GFRA1: variants seen among roughly 807,000 people sequenced by gnomAD.
GFRA1 encodes the protein GDNF family receptor alpha-1.
A neutral mutation model predicts 51.6 loss-of-function variants in GFRA1; 16 were observed. That is an observed-to-expected ratio of 0.31 (90% CI 0.21 to 0.47). The LOEUF is 0.47. Ranked by LOEUF, GFRA1 falls within the 20% of genes least tolerant of loss-of-function variation. The pLI, the probability that GFRA1 is intolerant of heterozygous loss-of-function variation, is 1.00. For missense variants in GFRA1, 530 were observed against 594.3 expected (o/e 0.89, Z 1.13); for synonymous variants, 270 against 241.3 (o/e 1.12, Z -1.10).
intron 5 of GFRA1, among the ~76,000 whole-genome samples, chr10:116,142,513 G>A (rs1254647800): frequency 6.6e-6 from 1 of 152,140 alleles, no homozygotes; most frequent in Non-Finnish European, 1.5e-5. Context: ...CAGCGTTTCG[G>A]TTAGCCAGTA....
intron 4 of GFRA1, among the ~76,000 whole-genome samples, chr10:116,243,066 G>A (rs967111198): frequency 2.0e-5 from 3 of 152,020 alleles, no homozygotes; most frequent in African/African-American, 4.8e-5. Context: ...AAATATTTAC[G>A]TCATTTCTTA....
chr10:116,219,218 T>G (rs1228318841), intron 4 of GFRA1, among the ~76,000 whole-genome samples: 1 of 152,150 alleles, frequency 6.6e-6, no homozygotes, highest in African/African-American at 2.4e-5. Context: ...ATAAAGCTCT[T>G]AACTACTGAA....
At position 116,093,637 on chromosome 10, in the gene GFRA1, G is replaced by C; in HGVS notation, c.1015+65C>G. ...GAGGTACAGGCACAAGGTACAAGAG[G>C]TACAGCTGGAGCTCGGAGAAGAAAA... On this transcript the variant is annotated intron_variant, in intron 8 of 10. Transcript: ENST00000355422. 2.8e-6 allele frequency: 4 copies of C among 1,434,648 alleles called. 1 individual carries two copies. The Admixed American group carries it at 6.7e-5, about 24-fold the overall frequency. The allele number at this position is 1,434,648 out of a possible 1,614,324, so 88.9% of individuals were successfully genotyped here.
intron 5 of GFRA1, among the ~76,000 whole-genome samples, chr10:116,181,404 C>T (rs1962202841): frequency 6.6e-6 from 1 of 152,174 alleles, no homozygotes; most frequent in African/African-American, 2.4e-5. Flanking sequence ...CTGCTGGCCT[C>T]ACAACGGAAA....
At chr10:116,234,956 C>G (rs912141947) in intron 4 of GFRA1, among the ~76,000 whole-genome samples, 6 of 152,190 alleles carry the variant, frequency 3.9e-5, no homozygotes, top group Non-Finnish European at 4.4e-5. Flanking sequence ...TTGTTCAGCA[C>G]TTGTCCTTGC....
At chr10:116,162,493 G>C (rs1959924894) in intron 5 of GFRA1, among the ~76,000 whole-genome samples, 1 of 152,180 alleles carries the variant, frequency 6.6e-6, no homozygotes, top group African/African-American at 2.4e-5. Context: ...GTCCCTTCTT[G>C]CCAGGCTCCC....
At chr10:116,264,102 G>A (rs1007341278) in intron 4 of GFRA1, among the ~76,000 whole-genome samples, 4 of 152,112 alleles carry the variant, frequency 2.6e-5, no homozygotes, top group Non-Finnish European at 5.9e-5. Flanking sequence ...CTGGTTTAGC[G>A]CTCAAGAGAG....
chr10:116,079,194 G>A (rs538549440), intron 9 of GFRA1, among the ~76,000 whole-genome samples: 7 of 152,040 alleles, frequency 4.6e-5, no homozygotes, highest in East Asian at 1.9e-4. Flanking sequence ...GGAAGAGAGC[G>A]CTCACTGGGA....
chr10:116,131,067 C>T (rs746627362), intron 5 of GFRA1, among the ~76,000 whole-genome samples: 2 of 152,058 alleles, frequency 1.3e-5, no homozygotes, highest in Non-Finnish European at 2.9e-5. Flanking sequence ...ATGCCCAAAT[C>T]TCAATATAAG....
At chr10:116,257,351 G>T (rs934924080) in intron 4 of GFRA1, among the ~76,000 whole-genome samples, 1 of 127,834 alleles carries the variant, frequency 7.8e-6, no homozygotes, top group Non-Finnish European at 1.6e-5. Flanking sequence ...GCCTGCCACA[G>T]AGACTCCTGC....
intron 4 of GFRA1, among the ~76,000 whole-genome samples, chr10:116,213,820 G>A (rs997162502): frequency 2.6e-5 from 4 of 152,164 alleles, no homozygotes; most frequent in Admixed American, 6.5e-5. Flanking sequence ...AGGGCACACT[G>A]AGGCCAGTGG....
At chr10:116,219,578 G>C (rs905073656) in intron 4 of GFRA1, among the ~76,000 whole-genome samples, 7 of 152,178 alleles carry the variant, frequency 4.6e-5, no homozygotes, top group South Asian at 2.1e-4. Context: ...GAATTCTTTT[G>C]AATCAGCTGA....
At chr10:116,178,588 T>C (rs1328232893) in intron 5 of GFRA1, among the ~76,000 whole-genome samples, 3 of 152,232 alleles carry the variant, frequency 2.0e-5, no homozygotes, top group African/African-American at 7.2e-5. Context: ...CTAAGAGTTC[T>C]AGAAGAGGTG....
chr10:116,255,745 C>T (rs1968787094), intron 4 of GFRA1: 1 of 1,288,886 alleles, frequency 7.8e-7, no homozygotes, highest in African/African-American at 1.5e-5. Flanking sequence ...CTTTACATGG[C>T]ATTGCACTCT....
chr10:116,228,338 T>C (rs755413577), intron 4 of GFRA1, among the ~76,000 whole-genome samples: 2 of 152,190 alleles, frequency 1.3e-5, no homozygotes, highest in Non-Finnish European at 2.9e-5. Flanking sequence ...CAGCTGGAGA[T>C]GCCTAAGAAG....
At chr10:116,206,062 A>G (rs1301807003) in intron 5 of GFRA1, among the ~76,000 whole-genome samples, 1 of 151,872 alleles carries the variant, frequency 6.6e-6, no homozygotes, top group African/African-American at 2.4e-5. Flanking sequence ...TATTTTACTG[A>G]TTTTACTGAA....
At position 116,089,851 on chromosome 10, in the gene GFRA1, T is replaced by A; in HGVS notation, c.1087A>T (p.Thr363Ser). The A allele has an allele frequency of 6.2e-7, 1 of 1,613,950 alleles. No individual in the cohort carries two copies. The highest frequency in any genetic ancestry group is 8.5e-7 in the Non-Finnish European group (1 of 1,179,940). ...VWQPAFPVQTTTATTTTALRV... is the reference protein window; with the variant it reads ...VWQPAFPVQTSTATTTTALRV... ...AGGGCAGTGGTGGTAGTGGCAGTGGTGGTCTGTACTGGGAAGGCTGGCTGC... is the reference window on the plus strand; with the variant it reads ...AGGGCAGTGGTGGTAGTGGCAGTGGAGGTCTGTACTGGGAAGGCTGGCTGC... Residue 363 changes from threonine to serine, a missense_variant, in exon 9 of 11, where the codon ACC becomes TCC. By Grantham distance (58) the Thr-to-Ser change is moderately conservative. Coordinates refer to ENST00000355422, the MANE Select transcript of GFRA1 (RefSeq NM_005264.8).
At chr10:116,118,596 T>A (rs1957521867) in intron 6 of GFRA1, among the ~76,000 whole-genome samples, 1 of 152,114 alleles carries the variant, frequency 6.6e-6, no homozygotes, top group South Asian at 2.1e-4. Flanking sequence ...TGACACTGCT[T>A]CCCCAAAGAA....
chr10:116,153,328 T>C (rs1019293587), intron 5 of GFRA1, among the ~76,000 whole-genome samples: 17 of 152,216 alleles, frequency 1.1e-4, no homozygotes, highest in African/African-American at 4.1e-4. Context: ...CCTCCCTTTA[T>C]ACATCTTTCT....
Sources: allele counts gnomAD v4.1 joint callset (sites outside exome capture counted in the v4.1 genomes callset), GRCh38; gene constraint gnomAD v4.1.1; transcripts MANE v1.5; gene names NCBI Gene and HGNC (gene_info 2026-07-23, HGNC 2026-07-21).